Variants in GALNTL6 observed in about 807,000 individuals in gnomAD.
GALNTL6 encodes polypeptide N-acetylgalactosaminyltransferase-like 6.
A neutral mutation model predicts 73.7 loss-of-function variants in GALNTL6; 46 were observed. The ratio of observed to expected loss-of-function variants is 0.62; its 90% CI spans 0.49 to 0.80. The LOEUF (loss-of-function observed/expected upper bound fraction) is 0.80. GALNTL6 is among the 30% of genes least tolerant of loss of function. GALNTL6 has a pLI of 0.00. For missense variants in GALNTL6, 604 were observed against 755.0 expected (o/e 0.80, Z 2.34); for synonymous variants, 259 against 263.7 (o/e 0.98, Z 0.17).
At chr4:172,854,475 A>G (rs1691535230) in intron 7 of GALNTL6, among the ~76,000 whole-genome samples, 1 of 152,190 alleles carries the variant, frequency 6.6e-6, no homozygotes, top group Non-Finnish European at 1.5e-5. Context: ...GGGAAGATGT[A>G]TGGAGCCTTT....
intron 7 of GALNTL6, among the ~76,000 whole-genome samples, chr4:172,877,786 G>T (rs909007318): frequency 3.8e-4 from 58 of 151,802 alleles, no homozygotes; most frequent in African/African-American, 1.4e-3. Flanking sequence ...ATTTTAAAAG[G>T]CATCTCATGG....
intron 5 of GALNTL6, among the ~76,000 whole-genome samples, chr4:172,380,776 GT>G (rs1241808918): frequency 6.6e-6 from 1 of 151,990 alleles, no homozygotes; most frequent in Non-Finnish European, 1.5e-5. Flanking sequence ...GTTTTGTTTT[GT>G]TTATTACAAT....
At chr4:173,034,105 C>T (rs1753583681) in intron 12 of GALNTL6, among the ~76,000 whole-genome samples, 1 of 152,190 alleles carries the variant, frequency 6.6e-6, no homozygotes, top group Admixed American at 6.5e-5. Flanking sequence ...ACCTCAACCT[C>T]CACATCTCAT....
At chr4:171,867,502 C>T (rs1736001170) in intron 2 of GALNTL6, among the ~76,000 whole-genome samples, 1 of 152,176 alleles carries the variant, frequency 6.6e-6, no homozygotes, top group Non-Finnish European at 1.5e-5. Context: ...ATTCTGCTTA[C>T]AAAGTAACTC....
intron 5 of GALNTL6, among the ~76,000 whole-genome samples, chr4:172,613,054 T>A (rs1292554371): frequency 2.0e-5 from 3 of 152,098 alleles, no homozygotes; most frequent in South Asian, 4.1e-4. Context: ...ATAGTCCACA[T>A]TCATTCAGCT....
intron 2 of GALNTL6, chr4:171,816,084 T>A (rs896069595): frequency 1.8e-4 from 28 of 152,208 alleles, no homozygotes; most frequent in Admixed American, 1.8e-3. Context: ...TTTTTTGTTC[T>A]TATTTACATC....
At chr4:171,922,792 A>T (rs1737833232) in intron 2 of GALNTL6, among the ~76,000 whole-genome samples, 1 of 152,114 alleles carries the variant, frequency 6.6e-6, no homozygotes, top group Admixed American at 6.6e-5. Context: ...TATTTTTATT[A>T]ACTGCTGATT....
intron 5 of GALNTL6, among the ~76,000 whole-genome samples, chr4:172,376,760 G>T (rs543076181): frequency 6.6e-6 from 1 of 152,170 alleles, no homozygotes; most frequent in Admixed American, 6.5e-5. Flanking sequence ...CTTCGTGGTT[G>T]CCAAAATGTA....
At chr4:172,176,337 C>CAAAA (rs562300659) in intron 2 of GALNTL6, among the ~76,000 whole-genome samples, 591 of 31,348 alleles carry the variant, frequency 0.019, 121 homozygotes, top group Middle Eastern at 0.1. Context: ...GACTCCGTCT[C>CAAAA]AAAAAAAAAA....
chr4:172,381,010 G>T (rs905841505), intron 5 of GALNTL6, among the ~76,000 whole-genome samples: 1 of 152,188 alleles, frequency 6.6e-6, no homozygotes, highest in African/African-American at 2.4e-5. Flanking sequence ...ACTTTGAACT[G>T]TAAATTTTAT....
At chr4:171,951,810 G>A (rs765773309) in intron 2 of GALNTL6, among the ~76,000 whole-genome samples, 27 of 152,088 alleles carry the variant, frequency 1.8e-4, no homozygotes, top group Non-Finnish European at 3.1e-4. Flanking sequence ...TCTACTAATA[G>A]TATAGAACTT....
intron 3 of GALNTL6, among the ~76,000 whole-genome samples, chr4:172,253,063 A>G (rs1179947797): frequency 1.3e-5 from 2 of 152,038 alleles, no homozygotes; most frequent in East Asian, 3.9e-4. Context: ...ATGATCATAA[A>G]AGTCTAAAAA....
chr4:172,022,852 A>G (rs113618643), intron 2 of GALNTL6, among the ~76,000 whole-genome samples: 2 of 152,100 alleles, frequency 1.3e-5, no homozygotes, highest in African/African-American at 4.8e-5. Context: ...TTTATTAGCA[A>G]TGTCTAACAA....
chr4:172,023,706 G>A (rs1741470213), intron 2 of GALNTL6, among the ~76,000 whole-genome samples: 1 of 151,784 alleles, frequency 6.6e-6, no homozygotes, highest in African/African-American at 2.4e-5. Flanking sequence ...ATGATGCTGA[G>A]TCTCACATGC....
At chr4:173,029,076 GGTT>G (rs1753346641) in intron 12 of GALNTL6, among the ~76,000 whole-genome samples, 1 of 152,190 alleles carries the variant, frequency 6.6e-6, no homozygotes, top group Non-Finnish European at 1.5e-5. Flanking sequence ...AAGGGCTCGA[GGTT>G]GTTATTTTAA....
intron 5 of GALNTL6, among the ~76,000 whole-genome samples, chr4:172,683,109 T>C (rs949926241): frequency 5.9e-5 from 9 of 152,212 alleles, no homozygotes; most frequent in African/African-American, 1.9e-4. Context: ...TGTAAGCAAT[T>C]TGGGAGTTTG....
At chr4:172,482,115 G>T (rs11132945) in intron 5 of GALNTL6, among the ~76,000 whole-genome samples, 95,899 of 152,064 alleles carry the variant, frequency 0.63, 31,217 homozygotes, top group South Asian at 0.82. Flanking sequence ...GCTGGCCCGG[G>T]TGCTAAGCCC....
At chr4:172,695,699 G>A (rs935317139) in intron 5 of GALNTL6, among the ~76,000 whole-genome samples, 3 of 152,170 alleles carry the variant, frequency 2.0e-5, no homozygotes, top group African/African-American at 7.2e-5. Flanking sequence ...TGTAATCCCA[G>A]CACTTTGGGA....
intron 2 of GALNTL6, among the ~76,000 whole-genome samples, chr4:172,135,656 T>G (rs957324137): frequency 2.0e-5 from 3 of 152,138 alleles, no homozygotes; most frequent in African/African-American, 7.2e-5. Flanking sequence ...TATCAAGGTA[T>G]TCTCTGGCAG....
Sources: gnomAD v4.1 joint callset for allele counts (sites outside exome capture counted in the v4.1 genomes callset) on GRCh38, gnomAD v4.1.1 for gene constraint, MANE v1.5 for transcripts, NCBI Gene and HGNC (gene_info 2026-07-23, HGNC 2026-07-21) for gene names.